Variants in DACH1 observed in about 807,000 individuals in gnomAD.
DACH1 encodes dachshund family transcription factor 1, also known as dachshund homolog 1.
Under a neutral mutation model 54.2 loss-of-function variants are expected in DACH1, and 12 were observed. The ratio of observed to expected loss-of-function variants is 0.22; its 90% CI spans 0.14 to 0.36. The LOEUF (loss-of-function observed/expected upper bound fraction) is 0.36. Among genes scored for constraint, DACH1 ranks in the 10% least tolerant of loss-of-function variants. DACH1 has a pLI of 1.00. For missense variants in DACH1, 805 were observed against 929.8 expected, an observed-to-expected ratio of 0.87 and a Z score of 1.75; for synonymous variants, 386 against 366.2, an observed-to-expected ratio of 1.05 and a Z score of -0.62.
At chr13:71,446,559 G>C (rs1037471958) in intron 10 of DACH1, among the ~76,000 whole-genome samples, 2 of 152,164 alleles carry the variant, frequency 1.3e-5, no homozygotes. Context: ...TTTTCACAGA[G>C]CTAGCAAATG....
intron 1 of DACH1, among the ~76,000 whole-genome samples, chr13:71,863,427 C>A (rs1291771903): frequency 6.6e-6 from 1 of 152,086 alleles, no homozygotes; most frequent in Non-Finnish European, 1.5e-5. Context: ...AAACTTCCCG[C>A]CTTTAACTTA....
intron 3 of DACH1, among the ~76,000 whole-genome samples, chr13:71,607,129 A>C (rs950720490): frequency 3.3e-5 from 5 of 151,964 alleles, no homozygotes; most frequent in African/African-American, 1.2e-4. Context: ...GACAGGAAAA[A>C]CTACACATTA....
intron 1 of DACH1, among the ~76,000 whole-genome samples, chr13:71,731,573 G>A (rs1024373851): frequency 6.6e-6 from 1 of 152,126 alleles, no homozygotes; most frequent in African/African-American, 2.4e-5. Flanking sequence ...GTGAGCCACC[G>A]CGCCTGGCCT....
intron 2 of DACH1, among the ~76,000 whole-genome samples, chr13:71,638,455 C>T (rs556293100): frequency 1.9e-4 from 29 of 152,108 alleles, no homozygotes; most frequent in Admixed American, 3.3e-4. Context: ...CATTTAAAAC[C>T]TTGTTTGCAT....
rs1381040668 is a variant in DACH1, at chr13:71,465,820, T to G, written c.2083+9321A>C. Among the ~76,000 whole-genome samples, 4 of 152,228 alleles carry G rather than the reference T, an allele frequency of 2.6e-5. No homozygotes were observed. The South Asian group carries it at 6.2e-4, about 24-fold the overall frequency. On this transcript the variant is annotated intron_variant, in intron 10 of 10. Coordinates refer to ENST00000613252, the MANE Select transcript of DACH1 (RefSeq NM_080759.6). Reference sequence around the variant, plus strand: ...ATTTGGAATTCATAGTAGTAAAAAGTATCATCGGTACAAATACATATATGA... The same window carrying G: ...ATTTGGAATTCATAGTAGTAAAAAGGATCATCGGTACAAATACATATATGA...
At chr13:71,826,125 T>C (rs1016511063) in intron 1 of DACH1, among the ~76,000 whole-genome samples, 9 of 152,132 alleles carry the variant, frequency 5.9e-5, no homozygotes. Context: ...CATTAAAAGT[T>C]ACATTTTACA....
At chr13:71,854,804 G>A (rs1014436379) in intron 1 of DACH1, among the ~76,000 whole-genome samples, 1 of 151,942 alleles carries the variant, frequency 6.6e-6, no homozygotes, top group East Asian at 1.9e-4. Flanking sequence ...ATGAAATTAG[G>A]TATATAATTA....
intron 2 of DACH1, among the ~76,000 whole-genome samples, chr13:71,665,487 C>A (rs915263702): frequency 1.3e-5 from 2 of 151,952 alleles, no homozygotes; most frequent in Non-Finnish European, 2.9e-5. Context: ...AGTTCTTAAG[C>A]TTTCCACCAG....
intron 1 of DACH1, among the ~76,000 whole-genome samples, chr13:71,756,455 T>G (rs1278956368): frequency 6.6e-6 from 1 of 152,088 alleles, no homozygotes; most frequent in Admixed American, 6.5e-5. Context: ...CTTTTAAAAC[T>G]TATAATTCAA....
chr13:71,836,630 G>C (rs1389801641), intron 1 of DACH1, among the ~76,000 whole-genome samples: 2 of 151,980 alleles, frequency 1.3e-5, no homozygotes, highest in Admixed American at 6.6e-5. Context: ...AGAAACCAAA[G>C]CGAGAGAAAA....
chr13:71,842,282 G>A (rs1313617421), intron 1 of DACH1, among the ~76,000 whole-genome samples: 1 of 152,064 alleles, frequency 6.6e-6, no homozygotes, highest in Non-Finnish European at 1.5e-5. Flanking sequence ...ACGCTTTATA[G>A]TGCAAATTTT....
chr13:71,680,798 T>G (rs1281962239), intron 2 of DACH1, among the ~76,000 whole-genome samples: 1 of 152,140 alleles, frequency 6.6e-6, no homozygotes, highest in Non-Finnish European at 1.5e-5. Context: ...GTCATTGATG[T>G]CAAGAAACTT....
rs574341498 is a variant in DACH1 at position 71,537,593 on chromosome 13, A to G, written c.1570+19431T>C. Reference sequence around the variant, plus strand: ...AAGCAAAGAAATTTCAGGAATGTCTATATGATAACAATGTTAGAGTTCCAT... The same window carrying G: ...AAGCAAAGAAATTTCAGGAATGTCTGTATGATAACAATGTTAGAGTTCCAT... On this transcript the variant is annotated intron_variant, in intron 6 of 10. Coordinates refer to ENST00000613252, the MANE Select transcript of DACH1 (RefSeq NM_080759.6). 2.0e-5 allele frequency among the ~76,000 whole-genome samples: 3 copies of G among 152,264 alleles called. No homozygotes were observed. The East Asian group carries it at 5.8e-4, about 29-fold the overall frequency.
chr13:71,642,789 G>C (rs1045134347), intron 2 of DACH1, among the ~76,000 whole-genome samples: 11 of 152,138 alleles, frequency 7.2e-5, no homozygotes, highest in Non-Finnish European at 1.5e-4. Context: ...GGGAGGCCGA[G>C]GCGAGCAGAT....
chr13:71,812,793 T>A (rs1687881934), intron 1 of DACH1, among the ~76,000 whole-genome samples: 1 of 152,160 alleles, frequency 6.6e-6, no homozygotes. Context: ...CAAATGCACT[T>A]ATCCTGACCC....
chr13:71,744,312 T>C (rs1378893477), intron 1 of DACH1, among the ~76,000 whole-genome samples: 1 of 152,212 alleles, frequency 6.6e-6, no homozygotes, highest in Non-Finnish European at 1.5e-5. Flanking sequence ...ATAAGGCACT[T>C]AGAATTCTCA....
chr13:71,710,450 TTTTGTG>T (rs1316949533), intron 1 of DACH1, among the ~76,000 whole-genome samples: 5 of 96,282 alleles, frequency 5.2e-5, no homozygotes, highest in South Asian at 4.1e-4. Context: ...AATATGAGGG[TTTTGTG>T]TGTGTGTGTG....
At chr13:71,704,294 G>A (rs1882316322) in intron 1 of DACH1, 1 of 302,830 alleles carries the variant, frequency 3.3e-6, no homozygotes, top group Non-Finnish European at 6.4e-6. Context: ...AGGTGATATT[G>A]TAGACATCAA....
intron 3 of DACH1, among the ~76,000 whole-genome samples, chr13:71,621,666 C>A (rs1458071491): frequency 6.6e-6 from 1 of 152,008 alleles, no homozygotes; most frequent in Non-Finnish European, 1.5e-5. Flanking sequence ...AATGCCATTA[C>A]CTTTCATCAG....
Sources: gnomAD v4.1 joint callset for allele counts (sites outside exome capture counted in the v4.1 genomes callset) on GRCh38, gnomAD v4.1.1 for gene constraint, MANE v1.5 for transcripts, NCBI Gene and HGNC (gene_info 2026-07-23, HGNC 2026-07-21) for gene names.